Variants in SLC12A1 observed in about 807,000 individuals in gnomAD.
SLC12A1 encodes the protein Na-K-2Cl cotransporter.
SLC12A1 carries 89 observed loss-of-function variants against 130.4 expected under a neutral mutation model. The observed-to-expected ratio is 0.68, with a 90% confidence interval of 0.58 to 0.81. The LOEUF (loss-of-function observed/expected upper bound fraction) is 0.81. Among genes scored for constraint, SLC12A1 ranks in the 40% least tolerant of loss-of-function variants. The pLI is 0.00. For synonymous variants in SLC12A1, 499 were observed against 460.0 expected (o/e 1.08, Z -1.09); for missense variants, 1,310 against 1,336.4 (o/e 0.98, Z 0.31).
At chr15:48,227,448 G>T in intron 5 of SLC12A1, 2 of 429,048 alleles carry the variant, frequency 4.7e-6, no homozygotes, top group Non-Finnish European at 8.6e-6. Flanking sequence ...CAAAATATAT[G>T]GTTTCTTTGT....
chr15:48,209,468 T>A (rs2041025843), intron 2 of SLC12A1, among the ~76,000 whole-genome samples: 1 of 152,214 alleles, frequency 6.6e-6, no homozygotes, highest in African/African-American at 2.4e-5. Context: ...GGAATAAATA[T>A]CATTCTTTAT....
chr15:48,280,409 T>A (rs781759110), intron 20 of SLC12A1, among the ~76,000 whole-genome samples: 7 of 152,216 alleles, frequency 4.6e-5, no homozygotes, highest in African/African-American at 1.7e-4. Context: ...ATTAGAAACC[T>A]GCCCTCAACT....
At chr15:48,221,029 A>T (rs1279728875) in intron 4 of SLC12A1, 33 bp downstream of exon 4, 13 of 1,582,900 alleles carry the variant, frequency 8.2e-6, no homozygotes, top group African/African-American at 1.3e-5. Context: ...ATAATTTTGC[A>T]TGTAAATCAT....
intron 2 of SLC12A1, among the ~76,000 whole-genome samples, chr15:48,217,578 C>T (rs1300044880): frequency 2.0e-5 from 3 of 152,096 alleles, no homozygotes; most frequent in African/African-American, 7.2e-5. Flanking sequence ...TTTCCCAATA[C>T]TGTCAGAAAA....
rs1213665214 is a variant in SLC12A1, at chr15:48,216,456, T to C, written c.421-4178T>C. Reference sequence around the variant, plus strand: ...ACAATCACCATTGGAGTTTATCAGCTAGCAGAGCAATTTCCCAGACCAAAT... The same window carrying C: ...ACAATCACCATTGGAGTTTATCAGCCAGCAGAGCAATTTCCCAGACCAAAT... On this transcript the variant is annotated intron_variant, in intron 2 of 26. Coordinates refer to ENST00000380993, the MANE Select transcript of SLC12A1 (RefSeq NM_000338.3). Among the ~76,000 whole-genome samples the C allele has an allele frequency of 2.6e-5, 4 of 152,336 alleles. No homozygotes were observed. The East Asian group carries it at 7.7e-4, about 29-fold the overall frequency.
intron 4 of SLC12A1, chr15:48,221,521 A>G (rs1007969548): frequency 1.6e-6 from 1 of 607,426 alleles, no homozygotes; most frequent in African/African-American, 1.8e-5. Context: ...ATTGCCAGAT[A>G]CAAGCTTTAA....
intron 9 of SLC12A1, among the ~76,000 whole-genome samples, chr15:48,238,702 G>A (rs534066833): frequency 5.1e-4 from 77 of 152,134 alleles, no homozygotes; most frequent in Non-Finnish European, 6.8e-4. Flanking sequence ...TAATGGATTC[G>A]GTCAGTTTAG....
At chr15:48,282,516 C>T (rs1002048932) in intron 20 of SLC12A1, among the ~76,000 whole-genome samples, 11 of 152,122 alleles carry the variant, frequency 7.2e-5, no homozygotes, top group South Asian at 6.2e-4. Flanking sequence ...AGAAGAATCC[C>T]CTCCCAGGGC....
rs924815481 is a variant in SLC12A1 at position 48,299,116 on chromosome 15, C to A, written c.2961-24C>A. The A allele has an allele frequency of 3.1e-6, 5 of 1,589,382 alleles. No homozygotes were observed. In the East Asian group the frequency reaches 9.1e-5, roughly 29 times the overall value. On this transcript the variant is annotated intron_variant, in intron 24 of 26. Transcript: ENST00000380993. The stretch of plus-strand genomic sequence containing the variant: ...AATGAGTTAGTTTCCCACTGTGAGG[C>A]CTCCTTTATAATTCAAATTTTAGCT...
chr15:48,244,320 C>T (rs140312528), intron 10 of SLC12A1, among the ~76,000 whole-genome samples: 128 of 152,290 alleles, frequency 8.4e-4, no homozygotes, highest in African/African-American at 2.7e-3. Context: ...AGAGGGGCTG[C>T]GTTCTCTTAA....
At chr15:48,268,188 T>C (rs2041854288) in intron 18 of SLC12A1, among the ~76,000 whole-genome samples, 1 of 152,206 alleles carries the variant, frequency 6.6e-6, no homozygotes, top group Non-Finnish European at 1.5e-5. Flanking sequence ...TTCCAGAATG[T>C]TGAATAAAAT....
At chr15:48,291,179 T>C (rs756266295) in intron 23 of SLC12A1, among the ~76,000 whole-genome samples, 43 of 151,666 alleles carry the variant, frequency 2.8e-4, no homozygotes, top group Admixed American at 1.3e-4. Context: ...GGGAGTTCTT[T>C]GTATTATCTT....
intron 2 of SLC12A1, among the ~76,000 whole-genome samples, chr15:48,213,864 C>G (rs542396743): frequency 5.9e-5 from 9 of 151,802 alleles, no homozygotes; most frequent in Non-Finnish European, 1.0e-4. Context: ...GTTATGGATA[C>G]GAATAAAGGA....
rs544239219 is a variant in SLC12A1, at chr15:48,246,206, G to A, written c.1453-703G>A. Among the ~76,000 whole-genome samples, 5 of 152,222 alleles carry A rather than the reference G, an allele frequency of 3.3e-5. No homozygotes were observed. In the South Asian group the frequency reaches 8.3e-4, roughly 25 times the overall value. On this transcript the variant is annotated intron_variant, in intron 11 of 26. Transcript: ENST00000380993. ...CACAGAAATAGCAAAGGTCTGAAAA[G>A]CCTCTGTGTGCAGGAAGAAGAAAGG... is the stretch of plus-strand genomic sequence containing the variant.
intron 2 of SLC12A1, among the ~76,000 whole-genome samples, chr15:48,208,593 A>G (rs1047378104): frequency 6.6e-6 from 1 of 152,228 alleles, no homozygotes; most frequent in Non-Finnish European, 1.5e-5. Context: ...GATTGCAGGC[A>G]TGAGCCACTG....
Position 48,220,680 on chromosome 15 carries a change from A to G in SLC12A1, c.467A>G (p.Asp156Gly), listed in dbSNP as rs758454017. Residue 156 changes from aspartate to glycine, a missense_variant, in exon 3 of 27, where the codon GAT becomes GGT. By Grantham distance (94) the Asp-to-Gly change is moderately conservative. Coordinates refer to ENST00000380993, the MANE Select transcript of SLC12A1 (RefSeq NM_000338.3). The part of the protein sequence containing the change: ...PSSADRVANG[D>G]GIPGDEQAEN... ...TCAGCTGACAGAGTTGCTAACGGTG[A>G]TGGGATACCTGGAGATGAACAAGCT... 2 of 1,613,784 alleles carry G rather than the reference A, an allele frequency of 1.2e-6. No homozygotes were observed. The highest frequency in any genetic ancestry group is 1.1e-5 in the South Asian group (1 of 91,020).
At chr15:48,237,846 G>A (rs1391942233) in intron 9 of SLC12A1, among the ~76,000 whole-genome samples, 1 of 152,162 alleles carries the variant, frequency 6.6e-6, no homozygotes, top group Non-Finnish European at 1.5e-5. Context: ...CTAACAGCTT[G>A]TGGAGGGTGG....
chr15:48,298,055 A>G (rs760755005), intron 24 of SLC12A1, among the ~76,000 whole-genome samples: 23 of 152,260 alleles, frequency 1.5e-4, no homozygotes, highest in Non-Finnish European at 3.1e-4. Context: ...AAGGCTCACT[A>G]GTAGGGACAA....
chr15:48,270,615 A>G (rs998809032), intron 19 of SLC12A1, among the ~76,000 whole-genome samples: 3 of 142,834 alleles, frequency 2.1e-5, no homozygotes, highest in African/African-American at 7.7e-5. Context: ...TTTATACTAT[A>G]TATATTATAT....
Sources: gnomAD v4.1 joint callset for allele counts (sites outside exome capture counted in the v4.1 genomes callset) on GRCh38, gnomAD v4.1.1 for gene constraint, MANE v1.5 for transcripts, NCBI Gene and HGNC (gene_info 2026-07-23, HGNC 2026-07-21) for gene names.